Variants in MTG1 observed in about 807,000 individuals in gnomAD.
The protein encoded by MTG1 is mitochondrial ribosome-associated GTPase 1.
Under a neutral mutation model 39.5 loss-of-function variants are expected in MTG1, and 30 were observed. The ratio of observed to expected loss-of-function variants is 0.76; its 90% CI spans 0.57 to 1.03. The LOEUF (loss-of-function observed/expected upper bound fraction) is 1.03, where lower values mean the gene tolerates loss of function less well. Ranked by LOEUF, MTG1 falls within the 50% of genes least tolerant of loss-of-function variation. The pLI is 0.00. For missense variants in MTG1, 513 were observed against 447.4 expected, an observed-to-expected ratio of 1.15 and a Z score of -1.32; for synonymous variants, 217 against 179.0, an observed-to-expected ratio of 1.21 and a Z score of -1.69.
chr10:133,417,999 TTC>T (rs1385049362), intron 9 of MTG1, among the ~76,000 whole-genome samples: 1 of 152,146 alleles, frequency 6.6e-6, no homozygotes, highest in East Asian at 1.9e-4. Context: ...ACCAATGACT[TTC>T]TTTTTTTCTT....
At chr10:133,397,162 T>C (rs1475405622) in intron 3 of MTG1, among the ~76,000 whole-genome samples, 2 of 152,340 alleles carry the variant, frequency 1.3e-5, no homozygotes, top group East Asian at 3.9e-4. Context: ...GTCTTTTAGA[T>C]AGCAGTAGCA....
At chr10:133,399,815 T>A in intron 6 of MTG1, 196 bp downstream of exon 6, 1 of 493,348 alleles carries the variant, frequency 2.0e-6, no homozygotes, top group East Asian at 3.2e-5. Context: ...CAGGTCGTTC[T>A]GTGAATTTCA....
intron 9 of MTG1, among the ~76,000 whole-genome samples, chr10:133,406,304 C>G (rs1239560113): frequency 6.6e-6 from 1 of 152,056 alleles, no homozygotes; most frequent in African/African-American, 2.4e-5. Context: ...TTGATAGTTT[C>G]GTTTCTTGCT....
At chr10:133,396,141 A>G in intron 2 of MTG1, 22 bp from the exon 3 acceptor site, 1 of 1,611,952 alleles carries the variant, frequency 6.2e-7, no homozygotes, top group African/African-American at 1.3e-5. Flanking sequence ...CTTTGGAGGA[A>G]TTTTTACCTT....
rs559750450 is a variant in MTG1, at chr10:133,397,699, C to T, written c.283-736C>T. 1.8e-4 allele frequency among the ~76,000 whole-genome samples: 27 copies of T among 151,636 alleles called. 1 individual carries two copies. The highest frequency in any genetic ancestry group is 1.8e-3 in the Admixed American group (27 of 15,222). Reference sequence around the variant, plus strand: ...TTCACTGTGTTAGCCAGGATGGTCTCAATCTCCTGACCTCATGATCCGCCC... The same window carrying T: ...TTCACTGTGTTAGCCAGGATGGTCTTAATCTCCTGACCTCATGATCCGCCC... On this transcript the variant is annotated intron_variant, in intron 3 of 10. Coordinates refer to ENST00000317502, the MANE Select transcript of MTG1 (RefSeq NM_138384.4).
At chr10:133,415,439 T>C (rs1178076127) in intron 9 of MTG1, among the ~76,000 whole-genome samples, 2 of 152,256 alleles carry the variant, frequency 1.3e-5, no homozygotes, top group African/African-American at 2.4e-5. Context: ...ACGTGTAGAA[T>C]TCCAGATTGA....
At chr10:133,414,062 A>ACCTT (rs1239889218) in intron 9 of MTG1, among the ~76,000 whole-genome samples, 1 of 145,940 alleles carries the variant, frequency 6.9e-6, no homozygotes, top group Admixed American at 6.8e-5. Context: ...GGACCCTGCG[A>ACCTT]CCTTCCGCAG....
Position 133,413,934 on chromosome 10 carries a change from T to A in MTG1, c.753-5546T>A, listed in dbSNP as rs186858086. Among the ~76,000 whole-genome samples, 576 of 151,008 alleles carry A rather than the reference T, an allele frequency of 3.8e-3. 4 individuals are homozygous for A. Among genetic ancestry groups the A allele is most frequent in the African/African-American group, 0.013 (519 of 41,232 alleles). The stretch of plus-strand genomic sequence containing the variant: ...TTTTCTTTTCTTTTTTTTTTTTTTT[T>A]ATTGATCATTCTTGGGTGTTTCTCG... On this transcript the variant is annotated intron_variant, in intron 9 of 10. Coordinates refer to ENST00000317502, the MANE Select transcript of MTG1 (RefSeq NM_138384.4).
intron 5 of MTG1, 51 bp from the exon 6 acceptor site, chr10:133,399,478 A>C: frequency 1.3e-6 from 2 of 1,572,598 alleles, no homozygotes; most frequent in Non-Finnish European, 1.7e-6. Context: ...GCAGAGTCTC[A>C]GGCTCTAGCG....
Position 133,395,775 on chromosome 10 carries a change from C to T in MTG1, c.175C>T (p.Arg59Trp), listed in dbSNP as rs1412031203. 8 of 1,613,820 alleles carry T rather than the reference C, an allele frequency of 5.0e-6. No homozygotes were observed. Among genetic ancestry groups the T allele is most frequent in the Non-Finnish European group, 5.1e-6 (6 of 1,179,904 alleles). ...CTGTATCATCGAGGTCCACGATGCC[C>T]GGATATCCTTTCACAGAGCAGGGGA... is the stretch of plus-strand genomic sequence containing the variant. The part of the protein sequence containing the change: ...VDCIIEVHDA[R>W]IPLSGRNPLF... The change falls in exon 2 of 11, where the codon CGG becomes TGG. Residue 59 changes from arginine to tryptophan, a missense_variant and splice_region_variant. Arg to Trp is a moderately radical substitution (Grantham distance 101, BLOSUM62 -3). Coordinates refer to ENST00000317502, the MANE Select transcript of MTG1 (RefSeq NM_138384.4).
intron 3 of MTG1, among the ~76,000 whole-genome samples, chr10:133,397,841 C>A (rs1243795959): frequency 6.7e-6 from 1 of 149,542 alleles, no homozygotes; most frequent in African/African-American, 2.5e-5. Flanking sequence ...TACGTCATAT[C>A]AGTGGCAACT....
chr10:133,397,830 T>C (rs567205696), intron 3 of MTG1, among the ~76,000 whole-genome samples: 9 of 152,076 alleles, frequency 5.9e-5, no homozygotes, highest in Admixed American at 4.6e-4. Context: ...GTTGGTACTT[T>C]TACGTCATAT....
chr10:133,399,390 G>A (rs1041302019), intron 5 of MTG1, 139 bp from the exon 6 acceptor site: 1 of 1,178,980 alleles, frequency 8.5e-7, no homozygotes, highest in African/African-American at 1.5e-5. Flanking sequence ...GTCCCCGCTG[G>A]GTGGGCAGAG....
At position 133,402,001 on chromosome 10, in the gene MTG1, G is replaced by A. The variant is rs1366833281; in HGVS notation, c.574-148G>A. ...ATTAGATCCTCTGGGGAACCCTGGA[G>A]CTTGGTGAGAGTGACGCTGCCATGG... On this transcript the variant is annotated intron_variant, in intron 7 of 10. Transcript: ENST00000317502. The surrounding 1 kb of genome is among the most constrained non-coding windows in gnomAD (Gnocchi z 4.7). 3.7e-6 allele frequency: 3 copies of A among 810,998 alleles called. No individual in the cohort carries two copies. The highest frequency in any genetic ancestry group is 1.7e-5 in the African/African-American group (1 of 58,548). The allele number at this position is 810,998 out of a possible 1,614,324, so 50.2% of individuals were successfully genotyped here. A position where few individuals can be genotyped will look rare whatever the true frequency, so the allele number is the denominator to read the frequency against.
At chr10:133,395,647 CA>C in intron 1 of MTG1, 65 bp from the exon 2 acceptor site, 1 of 1,492,684 alleles carries the variant, frequency 6.7e-7, no homozygotes, top group African/African-American at 1.4e-5. Flanking sequence ...CTGGACGGTT[CA>C]GCTTGAATCG....
In MTG1 at chr10:133,412,677, G is replaced by C. The variant is rs571947966; in HGVS notation, c.753-6803G>C. Among the ~76,000 whole-genome samples, 109 of 152,252 alleles carry C rather than the reference G, an allele frequency of 7.2e-4. 1 individual carries two copies. The highest frequency in any genetic ancestry group is 2.6e-3 in the African/African-American group (107 of 41,558). ...CTCTTACCATTGAGTGCAGTATTAG[G>C]TATGGGTGTTTCTTAGATGCCCTTT... On this transcript the variant is annotated intron_variant, in intron 9 of 10. Coordinates refer to ENST00000317502, the MANE Select transcript of MTG1 (RefSeq NM_138384.4).
chr10:133,395,034 G>C (rs1257329827), intron 1 of MTG1, among the ~76,000 whole-genome samples: 1 of 152,150 alleles, frequency 6.6e-6, no homozygotes, highest in Non-Finnish European at 1.5e-5. Flanking sequence ...GGGGACTATC[G>C]TCATCATCCC....
At chr10:133,417,954 G>C (rs1436381894) in intron 9 of MTG1, among the ~76,000 whole-genome samples, 1 of 152,192 alleles carries the variant, frequency 6.6e-6, no homozygotes, top group East Asian at 1.9e-4. Flanking sequence ...ACTGCCCAAG[G>C]TAATTTATAG....
chr10:133,406,034 T>C (rs2133502422), intron 9 of MTG1, among the ~76,000 whole-genome samples: 1 of 152,340 alleles, frequency 6.6e-6, no homozygotes, highest in African/African-American at 2.4e-5. Flanking sequence ...CCATTTTAAC[T>C]AGGGTGAGAT....
Sources: allele counts gnomAD v4.1 joint callset (sites outside exome capture counted in the v4.1 genomes callset), GRCh38; gene constraint gnomAD v4.1.1; non-coding constraint Gnocchi (gnomAD v3.1); transcripts MANE v1.5; gene names NCBI Gene and HGNC (gene_info 2026-07-23, HGNC 2026-07-21).